Variants in SRPK1 observed in about 807,000 individuals in gnomAD.
SRPK1 encodes SFRS protein kinase 1.
In SRPK1, 52 loss-of-function variants were observed where a neutral mutation model predicts 89.5. The ratio of observed to expected loss-of-function variants is 0.58; its 90% CI spans 0.46 to 0.73. SRPK1 has a LOEUF of 0.73. Among genes scored for constraint, SRPK1 ranks in the 30% least tolerant of loss-of-function variants. The probability of loss-of-function intolerance (pLI) is 0.00; values close to 1 mark genes in which losing one functional copy is unlikely to be tolerated. For synonymous variants in SRPK1, 255 were observed against 270.2 expected, an observed-to-expected ratio of 0.94 and a Z score of 0.55; for missense variants, 603 against 780.6, an observed-to-expected ratio of 0.77 and a Z score of 2.71.
intron 14 of SRPK1, among the ~76,000 whole-genome samples, chr6:35,840,731 C>T (rs952635653): frequency 5.9e-5 from 9 of 152,150 alleles, no homozygotes; most frequent in East Asian, 5.8e-4. Context: ...TGTCCTACCA[C>T]GACTCGTAAC....
chr6:35,840,565 A>C (rs1581988110), intron 14 of SRPK1, among the ~76,000 whole-genome samples: 1 of 152,356 alleles, frequency 6.6e-6, no homozygotes, highest in South Asian at 2.1e-4. Context: ...TTCCTATACC[A>C]AGGAATTCCC....
chr6:35,861,736 G>A (rs1769787122), intron 12 of SRPK1, among the ~76,000 whole-genome samples: 1 of 152,216 alleles, frequency 6.6e-6, no homozygotes, highest in African/African-American at 2.4e-5. Context: ...CTTGGCTGAG[G>A]AGGGACAGGA....
intron 2 of SRPK1, among the ~76,000 whole-genome samples, chr6:35,900,995 A>T (rs1000506677): frequency 1.3e-5 from 2 of 152,214 alleles, no homozygotes; most frequent in African/African-American, 2.4e-5. Flanking sequence ...TCTCTTAAAT[A>T]ACAAAAAACT....
intron 5 of SRPK1, among the ~76,000 whole-genome samples, chr6:35,887,606 G>T (rs1770437166): frequency 6.6e-6 from 1 of 151,856 alleles, no homozygotes; most frequent in Non-Finnish European, 1.5e-5. Context: ...GGTATAAATG[G>T]AATCAGTAAA....
At chr6:35,857,827 C>A (rs907179444) in intron 12 of SRPK1, among the ~76,000 whole-genome samples, 1 of 152,054 alleles carries the variant, frequency 6.6e-6, no homozygotes, top group Non-Finnish European at 1.5e-5. Context: ...TCTTTCTGTG[C>A]CTTTATTGGG....
chr6:35,879,752 AG>A (rs2127252343), intron 6 of SRPK1, among the ~76,000 whole-genome samples: 1 of 152,322 alleles, frequency 6.6e-6, no homozygotes, highest in Non-Finnish European at 1.5e-5. Flanking sequence ...CAGACCTACT[AG>A]AAAAAGACTT....
In SRPK1 at chr6:35,833,156, T is replaced by C. The variant is rs552821058; in HGVS notation, c.*2148A>G. ...TAACTGACAGCAAATAGAAATCCTT[T>C]AGTGAGATCGTGGCAATTTGACAGT... is the stretch of plus-strand genomic sequence containing the variant. On this transcript the variant is annotated 3_prime_UTR_variant, in exon 16 of 16. Coordinates refer to ENST00000373825, the MANE Select transcript of SRPK1 (RefSeq NM_003137.5). The C allele has an allele frequency of 6.5e-6, 1 of 152,728 alleles. No individual in the cohort carries two copies. Among genetic ancestry groups the C allele is most frequent in the East Asian group, 1.9e-4 (1 of 5,184 alleles). 9.5% of individuals were successfully genotyped at this position (152,728 alleles called of 1,614,324 possible). A position where few individuals can be genotyped will look rare whatever the true frequency, so the allele number is the denominator to read the frequency against.
intron 12 of SRPK1, among the ~76,000 whole-genome samples, chr6:35,858,708 T>C (rs1411291150): frequency 6.6e-6 from 1 of 152,148 alleles, no homozygotes; most frequent in Admixed American, 6.5e-5. Flanking sequence ...AACTATTGCT[T>C]GTTGCATGTA....
At chr6:35,878,414 A>G (rs1407712242) in intron 6 of SRPK1, among the ~76,000 whole-genome samples, 1 of 152,228 alleles carries the variant, frequency 6.6e-6, no homozygotes, top group South Asian at 2.1e-4. Context: ...TTCCCCACCT[A>G]GACAACCAAT....
chr6:35,866,718 C>T (rs1769912845), intron 12 of SRPK1, among the ~76,000 whole-genome samples: 1 of 152,088 alleles, frequency 6.6e-6, no homozygotes, highest in Non-Finnish European at 1.5e-5. Context: ...CAAAAATATA[C>T]CTATACTTGT....
chr6:35,838,646 A>C (rs2151077524), intron 14 of SRPK1: 2 of 1,544,528 alleles, frequency 1.3e-6, no homozygotes, highest in African/African-American at 2.7e-5. Flanking sequence ...AACTAAAAAC[A>C]ATCTTGGTGT....
chr6:35,883,146 T>C (rs1484741717), intron 6 of SRPK1, among the ~76,000 whole-genome samples: 1 of 151,988 alleles, frequency 6.6e-6, no homozygotes, highest in Non-Finnish European at 1.5e-5. Flanking sequence ...AGGCTGGGCA[T>C]GGTGGCTCAT....
chr6:35,905,218 C>G (rs1210715827), intron 2 of SRPK1, among the ~76,000 whole-genome samples: 9 of 152,134 alleles, frequency 5.9e-5, no homozygotes, highest in Admixed American at 5.9e-4. Context: ...AAACAAAGTT[C>G]TAGCTTCTGT....
intron 13 of SRPK1, among the ~76,000 whole-genome samples, chr6:35,842,970 CTTT>C (rs534065184): frequency 2.2e-5 from 3 of 136,374 alleles, no homozygotes; most frequent in African/African-American, 2.7e-5. Context: ...AAGAACAGGT[CTTT>C]TTTTTTTTTT....
chr6:35,834,048 CAAAA>C lies in SRPK1; in HGVS notation c.*1252_*1255del, dbSNP rs1347628765. 3.9e-5 allele frequency: 6 copies of C among 152,300 alleles called. No homozygotes were observed. The highest frequency in any genetic ancestry group is 7.4e-5 in the Non-Finnish European group (5 of 67,962). 9.4% of individuals were successfully genotyped at this position (152,300 alleles called of 1,614,324 possible). A position where few individuals can be genotyped will look rare whatever the true frequency, so the allele number is the denominator to read the frequency against. On this transcript the variant is annotated 3_prime_UTR_variant, in exon 16 of 16. Coordinates refer to ENST00000373825, the MANE Select transcript of SRPK1 (RefSeq NM_003137.5). Reference sequence around the variant, plus strand: ...TTGCAAAGTCTTTTCTCAATTAAAACAAAAAAGCCTCAAGTACATCTCAATCATG... The same window carrying C: ...TTGCAAAGTCTTTTCTCAATTAAAACAAGCCTCAAGTACATCTCAATCATG...
intron 7 of SRPK1, 53 bp from the exon 8 acceptor site, chr6:35,872,781 A>T: frequency 6.9e-7 from 1 of 1,439,152 alleles, no homozygotes; most frequent in South Asian, 1.5e-5. Flanking sequence ...GGCTTTCTGG[A>T]GAAGTAAGAG....
chr6:35,858,332 T>C (rs1378693401), intron 12 of SRPK1, among the ~76,000 whole-genome samples: 2 of 151,992 alleles, frequency 1.3e-5, no homozygotes, highest in African/African-American at 4.8e-5. Context: ...CTGTGACACT[T>C]TGTCACCTAA....
intron 2 of SRPK1, among the ~76,000 whole-genome samples, chr6:35,896,082 T>G (rs1770621390): frequency 6.6e-6 from 1 of 152,230 alleles, no homozygotes; most frequent in Non-Finnish European, 1.5e-5. Flanking sequence ...AGCAAATTAA[T>G]TCAACCCAAG....
intron 2 of SRPK1, among the ~76,000 whole-genome samples, chr6:35,908,348 T>G (rs1170232091): frequency 6.6e-6 from 1 of 152,164 alleles, no homozygotes; most frequent in Non-Finnish European, 1.5e-5. Flanking sequence ...AGGTGAACAA[T>G]GAAGTCCAGG....
Sources: gnomAD v4.1 joint callset for allele counts (sites outside exome capture counted in the v4.1 genomes callset) on GRCh38, gnomAD v4.1.1 for gene constraint, MANE v1.5 for transcripts, NCBI Gene and HGNC (gene_info 2026-07-23, HGNC 2026-07-21) for gene names.